Variants in GLI1 observed in about 807,000 individuals in gnomAD.
The protein encoded by GLI1 is GLI family zinc finger 1.
Under a neutral mutation model 87.8 loss-of-function variants are expected in GLI1, and 51 were observed. That is an observed-to-expected ratio of 0.58 (90% CI 0.46 to 0.73). The LOEUF (loss-of-function observed/expected upper bound fraction) is 0.73, where lower values mean the gene tolerates loss of function less well. GLI1 is among the 30% of genes least tolerant of loss of function. The pLI, the probability that GLI1 is intolerant of heterozygous loss-of-function variation, is 0.00. For synonymous variants in GLI1, 528 were observed against 558.2 expected (o/e 0.95, Z 0.76); for missense variants, 1,292 against 1,437.2 (o/e 0.90, Z 1.63).
rs1594749403 is a variant in GLI1 at position 57,470,434 on chromosome 12, T to C, written c.1694T>C (p.Phe565Ser). Residue 565 changes from phenylalanine to serine, a missense_variant, in exon 12 of 12, where the codon TTC becomes TCC. Phe to Ser is a radical substitution (Grantham distance 155). Transcript: ENST00000228682. ...CGCCGCTCCTCCCTGGCCTCTCCTT[T>C]CCCCCCTGGCTCCCCACCAGAGAAT... ...VSRRSSLASP[F>S]PPGSPPENGA... The C allele has an allele frequency of 2.5e-6, 4 of 1,613,904 alleles. No individual in the cohort carries two copies. Among genetic ancestry groups the C allele is most frequent in the South Asian group, 1.1e-5 (1 of 91,070 alleles).
chr12:57,459,984 G>T lies in GLI1; in HGVS notation c.-245G>T, dbSNP rs1871017144. Among the ~76,000 whole-genome samples the T allele has an allele frequency of 6.7e-6, 1 of 150,076 alleles. No homozygotes were observed. The highest frequency in any genetic ancestry group is 2.4e-5 in the African/African-American group (1 of 40,822). ...GCGGCTGGAGAGAGAAAAAGTTTTT[G>T]CAAAAGGGAAAAAAAAAGTTTGCGC... On this transcript the variant is annotated 5_prime_UTR_variant, in exon 1 of 12. Coordinates refer to ENST00000228682, the MANE Select transcript of GLI1 (RefSeq NM_005269.3).
intron 9 of GLI1, 134 bp downstream of exon 9, chr12:57,467,631 A>ATTTTTCT (rs1469541133): frequency 1.0e-5 from 8 of 772,980 alleles, no homozygotes; most frequent in Admixed American, 3.0e-5. Flanking sequence ...CGCCCAGAAA[A>ATTTTTCT]GGCTTTTCTG....
chr12:57,464,256 C>T (rs1471392029), intron 3 of GLI1, among the ~76,000 whole-genome samples, 165 bp downstream of exon 3: 1 of 152,190 alleles, frequency 6.6e-6, no homozygotes, highest in Non-Finnish European at 1.5e-5. Flanking sequence ...CGGTGGCTCA[C>T]GCCTGTAATC....
In GLI1 at chr12:57,472,254, C is replaced by A; in HGVS notation, c.*193C>A. 1 of 595,584 alleles carries A rather than the reference C, an allele frequency of 1.7e-6. No homozygotes were observed. The highest frequency in any genetic ancestry group is 2.9e-6 in the Non-Finnish European group (1 of 350,280). 36.9% of individuals were successfully genotyped at this position (595,584 alleles called of 1,614,324 possible). A position where few individuals can be genotyped will look rare whatever the true frequency, so the allele number is the denominator to read the frequency against. On this transcript the variant is annotated 3_prime_UTR_variant, in exon 12 of 12. Transcript: ENST00000228682. The stretch of plus-strand genomic sequence containing the variant: ...ACACTGTTTCCTGATAATAAAGGAA[C>A]TGCATCAGAAAAAATACCATGCCAC...
chr12:57,471,393 TCC>T lies in GLI1; in HGVS notation c.2657_2658del (p.Pro886HisfsTer14). ...ACCCAGGCCTTGCCTGGACTTTGAT[TCC>T]CCCACCCATTCCACAGGGCAGCTCA... Reference protein sequence around the residue: ...SEPRPCLDFDSPTHSTGQLKA... With the variant: ...SEPRPCLDFDXPTHSTGQLKA... On this transcript the variant is annotated frameshift_variant, in exon 12 of 12. Coordinates refer to ENST00000228682, the MANE Select transcript of GLI1 (RefSeq NM_005269.3). LOFTEE classifies it high-confidence loss of function. This position sits in a 1 kb window ranked among gnomAD's most constrained non-coding sequence, Gnocchi z 4.9. 2 of 1,612,308 alleles carry T rather than the reference TCC, an allele frequency of 1.2e-6. No individual in the cohort carries two copies. The highest frequency in any genetic ancestry group is 8.5e-7 in the Non-Finnish European group (1 of 1,179,234).
intron 7 of GLI1, 111 bp from the exon 8 acceptor site, chr12:57,466,122 CTGCCTCT>C: frequency 8.6e-7 from 1 of 1,162,496 alleles, no homozygotes; most frequent in Non-Finnish European, 1.2e-6. Flanking sequence ...GATATTGCTC[CTGCCTCT>C]TCCTCCTTGA....
intron 5 of GLI1, 50 bp from the exon 6 acceptor site, chr12:57,465,553 TCTTC>T: frequency 6.8e-7 from 1 of 1,465,978 alleles, no homozygotes; most frequent in Non-Finnish European, 9.5e-7. Flanking sequence ...CTTGGTTTCC[TCTTC>T]CTTCTGCTTA....
chr12:57,472,160 C>T lies in GLI1; in HGVS notation c.*99C>T. The T allele has an allele frequency of 3.8e-6, 3 of 793,602 alleles. No homozygotes were observed. Among genetic ancestry groups the T allele is most frequent in the East Asian group, 5.7e-5 (2 of 35,170 alleles). 49.2% of individuals were successfully genotyped at this position (793,602 alleles called of 1,614,324 possible). On this transcript the variant is annotated 3_prime_UTR_variant, in exon 12 of 12. Transcript: ENST00000228682. Reference sequence around the variant, plus strand: ...CTGCAGTCCCATGCACAAGATGCCCCAGGGATGGGAGGTATGGGCTGGGGG... The same window carrying T: ...CTGCAGTCCCATGCACAAGATGCCCTAGGGATGGGAGGTATGGGCTGGGGG...
Position 57,469,424 on chromosome 12 carries a change from T to C in GLI1, c.1309-7T>C. 6.2e-7 allele frequency: 1 copy of C among 1,612,806 alleles called. No individual in the cohort carries two copies. The highest frequency in any genetic ancestry group is 8.5e-7 in the Non-Finnish European group (1 of 1,179,686). On this transcript the variant is annotated splice_polypyrimidine_tract_variant and splice_region_variant and intron_variant, in intron 10 of 11. Transcript: ENST00000228682. The stretch of plus-strand genomic sequence containing the variant: ...GGTGTTGCCCTCAGACCTCATCTTC[T>C]CCACAGAAGCCACAGCCAAGCCCTG...
intron 3 of GLI1, 95 bp from the exon 4 acceptor site, chr12:57,464,578 A>G: frequency 7.8e-6 from 6 of 773,546 alleles, no homozygotes; most frequent in Non-Finnish European, 1.3e-5. Context: ...AGCAGAATCA[A>G]GTATCATTGG....
Position 57,472,139 on chromosome 12 carries a change from A to C in GLI1, c.*78A>C. On this transcript the variant is annotated 3_prime_UTR_variant, in exon 12 of 12. Transcript: ENST00000228682. ...CTTCCAGAAAAATTGGGGGAGCTGC[A>C]GTCCCATGCACAAGATGCCCCAGGG... 1 of 1,005,508 alleles carries C rather than the reference A, an allele frequency of 9.9e-7. No individual in the cohort carries two copies. The highest frequency in any genetic ancestry group is 1.4e-6 in the Non-Finnish European group (1 of 701,676). The allele number at this position is 1,005,508 out of a possible 1,614,324, so 62.3% of individuals were successfully genotyped here.
At chr12:57,468,327 C>G in intron 10 of GLI1, 103 bp downstream of exon 10, 3 of 701,304 alleles carry the variant, frequency 4.3e-6, no homozygotes, top group Non-Finnish European at 7.3e-6. Context: ...AGAAGTCACT[C>G]TTCTGTGACC....
rs1187351940 is a variant in GLI1 at position 57,471,076 on chromosome 12, C to T, written c.2336C>T (p.Thr779Ile). Reference protein sequence around the residue: ...QASYPDPTQETWGEFPSHSGL... With the variant: ...QASYPDPTQEIWGEFPSHSGL... ...TCATATCCTGACCCCACCCAAGAAA[C>T]ATGGGGTGAGTTCCCTTCCCACTCT... The change falls in exon 12 of 12, where the codon ACA becomes ATA. Residue 779 changes from threonine to isoleucine, a missense_variant. Transcript: ENST00000228682. This position sits in a 1 kb window ranked among gnomAD's most constrained non-coding sequence, Gnocchi z 4.9. 1.9e-6 allele frequency: 3 copies of T among 1,612,982 alleles called. No individual in the cohort carries two copies. Among genetic ancestry groups the T allele is most frequent in the Non-Finnish European group, 2.5e-6 (3 of 1,179,572 alleles).
rs762870583 is a variant in GLI1 at position 57,465,704 on chromosome 12, G to C, written c.624+8G>C. ...AACTCCACAGGCATACAGGTAAGGGGATGGGCAGGAGCTTTACCTCTGGGA... is the reference window on the plus strand; with the variant it reads ...AACTCCACAGGCATACAGGTAAGGGCATGGGCAGGAGCTTTACCTCTGGGA... On this transcript the variant is annotated splice_region_variant and intron_variant, in intron 6 of 11. Transcript: ENST00000228682. 3.1e-6 allele frequency: 5 copies of C among 1,613,656 alleles called. No homozygotes were observed. Among genetic ancestry groups the C allele is most frequent in the Non-Finnish European group, 4.2e-6 (5 of 1,179,530 alleles).
In GLI1 at chr12:57,470,502, C is replaced by G. The variant is rs1871812583; in HGVS notation, c.1762C>G (p.Leu588Val). The G allele has an allele frequency of 1.2e-6, 2 of 1,614,018 alleles. No homozygotes were observed. Among genetic ancestry groups the G allele is most frequent in the South Asian group, 2.2e-5 (2 of 91,076 alleles). Residue 588 changes from leucine (L) to valine (V), a missense_variant, in exon 12 of 12, where the codon CTG (leucine) becomes GTG (valine). Transcript: ENST00000228682. Reference sequence around the variant, plus strand: ...TGGCCTTATGCCTGCCCAGCACTACCTGCTTCGGGCAAGATATGCTTCAGC... The same window carrying G: ...TGGCCTTATGCCTGCCCAGCACTACGTGCTTCGGGCAAGATATGCTTCAGC... ...LPGLMPAQHY[L>V]LRARYASARG... is the part of the protein sequence containing the mutation.
chr12:57,470,071 G>A (rs1871765482), intron 11 of GLI1, among the ~76,000 whole-genome samples: 1 of 152,148 alleles, frequency 6.6e-6, no homozygotes, highest in South Asian at 2.1e-4. Flanking sequence ...AGTATGCAAA[G>A]GCTATGATGC....
At chr12:57,462,408 C>T (rs1002240148) in intron 1 of GLI1, among the ~76,000 whole-genome samples, 3 of 152,052 alleles carry the variant, frequency 2.0e-5, no homozygotes, top group African/African-American at 7.2e-5. Flanking sequence ...CCGGGATCAC[C>T]CACCGCGCCG....
In GLI1 at chr12:57,465,237, A is replaced by T. The variant is rs1329110680; in HGVS notation, c.516A>T (p.Gly172=). Residue 172 remains glycine (G), a synonymous_variant, in exon 5 of 12, where the codon GGA becomes GGT. Transcript: ENST00000228682. ...GGMIPHPQSR[G]PFPTCQLKSE... Reference sequence around the variant, plus strand: ...TGATCCCACATCCTCAGTCCCGGGGACCCTTCCCAACTTGCCAGGTGAGAG... The same window carrying T: ...TGATCCCACATCCTCAGTCCCGGGGTCCCTTCCCAACTTGCCAGGTGAGAG... 2.5e-6 allele frequency: 4 copies of T among 1,610,546 alleles called. No individual in the cohort carries two copies. The highest frequency in any genetic ancestry group is 1.1e-5 in the South Asian group (1 of 90,836).
intron 2 of GLI1, 44 bp from the exon 3 acceptor site, chr12:57,463,955 T>C: frequency 7.0e-7 from 1 of 1,428,052 alleles, no homozygotes; most frequent in Non-Finnish European, 9.9e-7. Flanking sequence ...TAAGGTGAGG[T>C]TTATGTATCC....
Sources: gnomAD v4.1 joint callset for allele counts (sites outside exome capture counted in the v4.1 genomes callset) on GRCh38, gnomAD v4.1.1 for gene constraint, Gnocchi (gnomAD v3.1) non-coding constraint, MANE v1.5 for transcripts, NCBI Gene and HGNC (gene_info 2026-07-23, HGNC 2026-07-21) for gene names.